HACD2: variants seen among roughly 807,000 people sequenced by gnomAD.
The protein encoded by HACD2 is 3-hydroxyacyl-CoA dehydratase 2.
In HACD2, 15 loss-of-function variants were observed where a neutral mutation model predicts 31.0. The observed-to-expected ratio is 0.48, with a 90% CI of 0.32 to 0.75. The LOEUF is 0.75. HACD2 is among the 30% of genes least tolerant of loss of function. The probability of loss-of-function intolerance (pLI) is 0.03; values close to 1 mark genes in which losing one functional copy is unlikely to be tolerated. For synonymous variants in HACD2, 115 were observed against 122.2 expected (o/e 0.94, Z 0.39); for missense variants, 283 against 313.0 (o/e 0.90, Z 0.72).
intron 3 of HACD2, among the ~76,000 whole-genome samples, chr3:123,544,272 A>G (rs2332543): frequency 0.028 from 4,323 of 152,280 alleles, 233 homozygotes; most frequent in African/African-American, 0.099. Flanking sequence ...GAGAAGAGAA[A>G]GAGCAATTAT....
At chr3:123,567,708 T>TC in intron 3 of HACD2, 54 bp downstream of exon 3, 1 of 1,157,464 alleles carries the variant, frequency 8.6e-7, no homozygotes, top group Non-Finnish European at 1.2e-6. Flanking sequence ...CATCTATGAC[T>TC]TTTTAAATAA....
chr3:123,552,486 T>C (rs763627876), intron 3 of HACD2, among the ~76,000 whole-genome samples: 1 of 152,214 alleles, frequency 6.6e-6, no homozygotes, highest in South Asian at 2.1e-4. Context: ...CTAGGGATCT[T>C]ATAAACCAAC....
intron 6 of HACD2, among the ~76,000 whole-genome samples, chr3:123,499,848 AGTAG>A (rs1485890692): frequency 6.6e-6 from 1 of 152,206 alleles, no homozygotes; most frequent in Non-Finnish European, 1.5e-5. Flanking sequence ...ATCCTCAGAA[AGTAG>A]GGCTCACTTC....
At chr3:123,496,072 G>A (rs1321953272) in intron 6 of HACD2, among the ~76,000 whole-genome samples, 1 of 152,110 alleles carries the variant, frequency 6.6e-6, no homozygotes, top group Non-Finnish European at 1.5e-5. Flanking sequence ...TGTCACCCAG[G>A]CTGGTATGCA....
intron 4 of HACD2, among the ~76,000 whole-genome samples, chr3:123,510,072 C>T (rs2056037311): frequency 6.6e-6 from 1 of 152,142 alleles, no homozygotes; most frequent in Non-Finnish European, 1.5e-5. Context: ...CCATATTGTG[C>T]AACCATTACC....
intron 3 of HACD2, among the ~76,000 whole-genome samples, chr3:123,541,538 T>A (rs1291036068): frequency 6.6e-6 from 1 of 152,184 alleles, no homozygotes; most frequent in Non-Finnish European, 1.5e-5. Flanking sequence ...ATGGGAAAGA[T>A]TCTCTATGTA....
chr3:123,501,952 C>A (rs1005671021), intron 5 of HACD2, among the ~76,000 whole-genome samples: 15 of 152,250 alleles, frequency 9.9e-5, no homozygotes, highest in African/African-American at 3.6e-4. Context: ...TGTCACTCTC[C>A]CTCAAAGTCC....
intron 3 of HACD2, among the ~76,000 whole-genome samples, chr3:123,541,924 G>A (rs1207612352): frequency 1.3e-5 from 2 of 151,844 alleles, no homozygotes; most frequent in African/African-American, 2.4e-5. Context: ...GAGGCGGGCG[G>A]ATCACGAGGT....
At chr3:123,502,926 G>T in intron 4 of HACD2, 1 of 412,776 alleles carries the variant, frequency 2.4e-6, no homozygotes. Context: ...CAGGGTGGGG[G>T]TAACAAACAC....
intron 3 of HACD2, among the ~76,000 whole-genome samples, chr3:123,552,523 G>T (rs1262476047): frequency 6.6e-6 from 1 of 152,118 alleles, no homozygotes; most frequent in Non-Finnish European, 1.5e-5. Context: ...GTCTACAAAA[G>T]GAGCAGATGC....
intron 4 of HACD2, among the ~76,000 whole-genome samples, chr3:123,526,957 G>A (rs1415457155): frequency 6.6e-6 from 1 of 152,224 alleles, no homozygotes; most frequent in Non-Finnish European, 1.5e-5. Flanking sequence ...TGGAAGGGAG[G>A]AAGCAGAGCC....
chr3:123,507,732 A>G (rs901617500), intron 4 of HACD2, among the ~76,000 whole-genome samples: 15 of 152,190 alleles, frequency 9.9e-5, no homozygotes, highest in African/African-American at 2.9e-4. Flanking sequence ...AAAAATTTTA[A>G]AAAATAAAAA....
intron 4 of HACD2, among the ~76,000 whole-genome samples, chr3:123,519,174 A>G (rs2056183002): frequency 6.6e-6 from 1 of 152,158 alleles, no homozygotes; most frequent in Non-Finnish European, 1.5e-5. Context: ...AAAAATCTTT[A>G]GTGTAACAAG....
chr3:123,558,767 G>A (rs1022564232), intron 3 of HACD2, among the ~76,000 whole-genome samples: 6 of 152,084 alleles, frequency 3.9e-5, no homozygotes, highest in Non-Finnish European at 1.5e-5. Flanking sequence ...ATTATTCTTT[G>A]GCTAAAAGAT....
At chr3:123,520,218 AC>A (rs1323114931) in intron 4 of HACD2, among the ~76,000 whole-genome samples, 7 of 152,242 alleles carry the variant, frequency 4.6e-5, no homozygotes, top group Admixed American at 2.6e-4. Flanking sequence ...AATCTAGAGT[AC>A]TAAAAAAACC....
At chr3:123,564,232 T>C (rs1576232062) in intron 3 of HACD2, among the ~76,000 whole-genome samples, 1 of 152,112 alleles carries the variant, frequency 6.6e-6, no homozygotes, top group South Asian at 2.1e-4. Flanking sequence ...AGGAAATCAG[T>C]GGACAGGGCT....
At chr3:123,536,446 A>G (rs1283292698) in intron 3 of HACD2, among the ~76,000 whole-genome samples, 1 of 152,230 alleles carries the variant, frequency 6.6e-6, no homozygotes, top group African/African-American at 2.4e-5. Context: ...CAAGGAAACA[A>G]AAGGAAACCA....
intron 4 of HACD2, among the ~76,000 whole-genome samples, chr3:123,522,039 C>A (rs934492135): frequency 2.6e-5 from 4 of 152,126 alleles, no homozygotes; most frequent in Non-Finnish European, 5.9e-5. Flanking sequence ...GGTGTGGTGG[C>A]TCATGCCTGT....
In HACD2 at chr3:123,492,843, A is replaced by T. The variant is rs1415058996; in HGVS notation, c.*2045T>A. 1 of 152,232 alleles carries T rather than the reference A, an allele frequency of 6.6e-6. No individual in the cohort carries two copies. The highest frequency in any genetic ancestry group is 1.5e-5 in the Non-Finnish European group (1 of 68,042). The allele number at this position is 152,232 out of a possible 1,614,324, so 9.4% of individuals were successfully genotyped here. A position where few individuals can be genotyped will look rare whatever the true frequency, so the allele number is the denominator to read the frequency against. On this transcript the variant is annotated 3_prime_UTR_variant, in exon 7 of 7. Coordinates refer to ENST00000383657, the MANE Select transcript of HACD2 (RefSeq NM_198402.5). Reference sequence around the variant, plus strand: ...CAAGTTGATTCTATTTTATAGTAGAAATACATTATGGAAGAATAAAATGAG... The same window carrying T: ...CAAGTTGATTCTATTTTATAGTAGATATACATTATGGAAGAATAAAATGAG...
Sources: allele counts gnomAD v4.1 joint callset (sites outside exome capture counted in the v4.1 genomes callset), GRCh38; gene constraint gnomAD v4.1.1; transcripts MANE v1.5; gene names NCBI Gene and HGNC (gene_info 2026-07-23, HGNC 2026-07-21).